The following CABCOCO1 variants were observed in gnomAD, a reference collection of about 807,000 sequenced individuals.
The protein encoded by CABCOCO1 is ciliary associated calcium binding coiled-coil 1, also known as ciliary-associated calcium-binding coiled-coil protein 1.
In CABCOCO1, 28 loss-of-function variants were observed where a neutral mutation model predicts 35.7. That is an observed-to-expected ratio of 0.78 (90% CI 0.58 to 1.07). The LOEUF (loss-of-function observed/expected upper bound fraction) is 1.07, where lower values mean the gene tolerates loss of function less well. Ranked by LOEUF, CABCOCO1 falls within the 50% of genes least tolerant of loss-of-function variation. The pLI, the probability that CABCOCO1 is intolerant of heterozygous loss-of-function variation, is 0.00. For synonymous variants in CABCOCO1, 95 were observed against 100.1 expected, an observed-to-expected ratio of 0.95 and a Z score of 0.30; for missense variants, 326 against 309.2, an observed-to-expected ratio of 1.05 and a Z score of -0.41.
chr10:61,752,367 G>GA (rs113709295), intron 5 of CABCOCO1, among the ~76,000 whole-genome samples: 27,417 of 145,554 alleles, frequency 0.19, 3,876 homozygotes, highest in African/African-American at 0.38. Context: ...TATAAAAAAG[G>GA]AAAAAAAAAA....
Position 61,757,708 on chromosome 10 carries a change from C to A in CABCOCO1, c.553-2351C>A, listed in dbSNP as rs561298766. Among the ~76,000 whole-genome samples, 7 of 150,858 alleles carry A rather than the reference C, an allele frequency of 4.6e-5. No homozygotes were observed. The South Asian group carries it at 1.5e-3, about 32-fold the overall frequency. On this transcript the variant is annotated intron_variant, in intron 5 of 7. Coordinates refer to ENST00000648843, the MANE Select transcript of CABCOCO1 (RefSeq NM_001366906.2). Reference sequence around the variant, plus strand: ...GTACACACACACACACAGACACACACACACACACACACACACAGTGCCAAA... The same window carrying A: ...GTACACACACACACACAGACACACAAACACACACACACACACAGTGCCAAA...
rs771112466 is a variant in CABCOCO1 at position 61,766,047 on chromosome 10, A to G, written c.*34A>G. 2.6e-6 allele frequency: 4 copies of G among 1,564,516 alleles called. No individual in the cohort carries two copies. Among genetic ancestry groups the G allele is most frequent in the Non-Finnish European group, 3.5e-6 (4 of 1,139,734 alleles). On this transcript the variant is annotated 3_prime_UTR_variant, in exon 8 of 8. Transcript: ENST00000648843. The stretch of plus-strand genomic sequence containing the variant: ...TACAAGGAGAGTGATGCTAAACTTC[A>G]CAGAAACAAACAAAACCAGCCAGAA...
rs570582235 is a variant in CABCOCO1, at chr10:61,693,136, A to G, written c.552+2515A>G. On this transcript the variant is annotated intron_variant, in intron 5 of 7. Coordinates refer to ENST00000648843, the MANE Select transcript of CABCOCO1 (RefSeq NM_001366906.2). ...TGCTTTATTTTCCATTGTCATTTGT[A>G]TTTTCCCCAAGCTGACCAGAGCAAT... 1.9e-3 allele frequency among the ~76,000 whole-genome samples: 284 copies of G among 151,786 alleles called. 1 individual carries two copies. The highest frequency in any genetic ancestry group is 6.7e-3 in the African/African-American group (275 of 41,330).
At chr10:61,682,904 T>TTTTTTTAAAA (rs1839841006) in intron 3 of CABCOCO1, among the ~76,000 whole-genome samples, 1 of 151,008 alleles carries the variant, frequency 6.6e-6, no homozygotes, top group African/African-American at 2.4e-5. Flanking sequence ...TTTTTTTTTT[T>TTTTTTTAAAA]AAGACAGATT....
At chr10:61,708,763 C>T (rs149606041) in intron 5 of CABCOCO1, among the ~76,000 whole-genome samples, 24 of 152,236 alleles carry the variant, frequency 1.6e-4, no homozygotes, top group Non-Finnish European at 2.5e-4. Context: ...ACATTCAGAC[C>T]ATAGCAACCT....
At chr10:61,703,721 T>TCA (rs983785870) in intron 5 of CABCOCO1, among the ~76,000 whole-genome samples, 1 of 148,678 alleles carries the variant, frequency 6.7e-6, no homozygotes, top group Non-Finnish European at 1.5e-5. Context: ...TTTCTCTCTC[T>TCA]CTCACACACA....
At chr10:61,743,474 T>C (rs1016592489) in intron 5 of CABCOCO1, among the ~76,000 whole-genome samples, 3 of 152,212 alleles carry the variant, frequency 2.0e-5, no homozygotes, top group African/African-American at 7.2e-5. Context: ...TTTGCATTTT[T>C]ATATATGTTT....
At chr10:61,735,923 T>G (rs917078103) in intron 5 of CABCOCO1, among the ~76,000 whole-genome samples, 3 of 152,172 alleles carry the variant, frequency 2.0e-5, no homozygotes, top group African/African-American at 7.2e-5. Context: ...TATTGAACTT[T>G]TTTTCACATG....
At chr10:61,667,131 ATT>A (rs1839208697) in intron 1 of CABCOCO1, among the ~76,000 whole-genome samples, 1 of 144,408 alleles carries the variant, frequency 6.9e-6, no homozygotes, top group African/African-American at 2.5e-5. Flanking sequence ...TTATATATAC[ATT>A]TCATATGTAT....
chr10:61,724,703 C>G (rs893629621), intron 5 of CABCOCO1, among the ~76,000 whole-genome samples: 1 of 152,080 alleles, frequency 6.6e-6, no homozygotes, highest in Non-Finnish European at 1.5e-5. Context: ...TTAATTGAAT[C>G]AGGCACCAAA....
intron 5 of CABCOCO1, among the ~76,000 whole-genome samples, chr10:61,722,290 C>T (rs1322135188): frequency 6.6e-6 from 1 of 152,090 alleles, no homozygotes; most frequent in Non-Finnish European, 1.5e-5. Context: ...ACATAATAAA[C>T]TGTCTGACAA....
intron 3 of CABCOCO1, chr10:61,685,237 T>C (rs1839920522): frequency 6.6e-6 from 1 of 152,202 alleles, no homozygotes; most frequent in South Asian, 2.1e-4. Flanking sequence ...CAGACCCAGA[T>C]TTACACATGG....
At chr10:61,737,600 T>C (rs1841450242) in intron 5 of CABCOCO1, among the ~76,000 whole-genome samples, 1 of 152,158 alleles carries the variant, frequency 6.6e-6, no homozygotes, top group Non-Finnish European at 1.5e-5. Flanking sequence ...GTGGTACATA[T>C]ACACCATGGA....
intron 5 of CABCOCO1, among the ~76,000 whole-genome samples, chr10:61,736,913 T>G (rs1398823896): frequency 1.3e-5 from 2 of 152,150 alleles, no homozygotes; most frequent in African/African-American, 4.8e-5. Flanking sequence ...CTGTTGTGAA[T>G]GGGATCGCCT....
Position 61,716,922 on chromosome 10 carries a change from T to C in CABCOCO1, c.552+26301T>C, listed in dbSNP as rs908182512. On this transcript the variant is annotated intron_variant, in intron 5 of 7. Transcript: ENST00000648843. ...TTCTTCTGTATACTAATCATATATA[T>C]TTAAATACAGATAGGCAAAAATGAA... is the stretch of plus-strand genomic sequence containing the variant. 3.3e-5 allele frequency among the ~76,000 whole-genome samples: 5 copies of C among 152,204 alleles called. No homozygotes were observed. The South Asian group carries it at 1.0e-3, about 32-fold the overall frequency.
chr10:61,665,710 A>G (rs894986656), intron 1 of CABCOCO1, among the ~76,000 whole-genome samples: 5 of 151,600 alleles, frequency 3.3e-5, no homozygotes. Context: ...ACACGGTGAA[A>G]CCCCGTCTTT....
chr10:61,668,520 G>A (rs918474694), intron 1 of CABCOCO1, among the ~76,000 whole-genome samples: 5 of 151,784 alleles, frequency 3.3e-5, no homozygotes, highest in Admixed American at 6.6e-5. Flanking sequence ...CAATTTTCTC[G>A]TCCAACCGTG....
intron 5 of CABCOCO1, among the ~76,000 whole-genome samples, chr10:61,758,463 A>G (rs1589157773): frequency 6.6e-6 from 1 of 152,236 alleles, no homozygotes; most frequent in East Asian, 1.9e-4. Context: ...GTGGAAGTGC[A>G]TAAGAGAAAA....
At chr10:61,764,068 T>A (rs1390561361) in intron 7 of CABCOCO1, among the ~76,000 whole-genome samples, 1 of 152,106 alleles carries the variant, frequency 6.6e-6, no homozygotes, top group East Asian at 1.9e-4. Flanking sequence ...TTTGATAAAT[T>A]CTGTCTCGGT....
Sources: gnomAD v4.1 joint callset for allele counts (sites outside exome capture counted in the v4.1 genomes callset) on GRCh38, gnomAD v4.1.1 for gene constraint, MANE v1.5 for transcripts, NCBI Gene and HGNC (gene_info 2026-07-23, HGNC 2026-07-21) for gene names.